CDH4: variants seen among roughly 807,000 people sequenced by gnomAD.
CDH4 encodes cadherin-4.
In CDH4, 33 loss-of-function variants were observed where a neutral mutation model predicts 86.0. The ratio of observed to expected loss-of-function variants is 0.38; its 90% CI spans 0.29 to 0.51. The LOEUF is 0.51. Ranked by LOEUF, CDH4 falls within the 20% of genes least tolerant of loss-of-function variation. The probability of loss-of-function intolerance (pLI) is 0.86; values close to 1 mark genes in which losing one functional copy is unlikely to be tolerated. For missense variants in CDH4, 1,114 were observed against 1,307.4 expected, an observed-to-expected ratio of 0.85 and a Z score of 2.28; for synonymous variants, 555 against 549.4, an observed-to-expected ratio of 1.01 and a Z score of -0.14.
chr20:61,812,191 G>A (rs182502070), intron 4 of CDH4, among the ~76,000 whole-genome samples: 2 of 152,058 alleles, frequency 1.3e-5, no homozygotes, highest in African/African-American at 2.4e-5. Flanking sequence ...GTTATTGGGG[G>A]CGGGGTATCA....
intron 4 of CDH4, among the ~76,000 whole-genome samples, chr20:61,781,108 A>G (rs953376046): frequency 1.3e-5 from 2 of 152,226 alleles, no homozygotes; most frequent in Non-Finnish European, 2.9e-5. Context: ...GGGGAAACAC[A>G]TTGAGATATG....
intron 2 of CDH4, among the ~76,000 whole-genome samples, chr20:61,707,229 C>T (rs1025852152): frequency 1.3e-5 from 2 of 152,266 alleles, no homozygotes; most frequent in African/African-American, 4.8e-5. Flanking sequence ...GCTTTGTCTT[C>T]CCACCTGGTG....
At chr20:61,406,517 C>T (rs1332801732) in intron 2 of CDH4, among the ~76,000 whole-genome samples, 1 of 144,954 alleles carries the variant, frequency 6.9e-6, no homozygotes, top group African/African-American at 2.7e-5. Flanking sequence ...ACCATCTGCT[C>T]TGCCTGGACC....
intron 2 of CDH4, among the ~76,000 whole-genome samples, chr20:61,551,767 T>G (rs2086131765): frequency 6.6e-6 from 1 of 152,230 alleles, no homozygotes. Context: ...AGCATGGTAC[T>G]CACATAAGGA....
chr20:61,395,591 G>A (rs1236804471), intron 2 of CDH4, among the ~76,000 whole-genome samples: 1 of 152,020 alleles, frequency 6.6e-6, no homozygotes, highest in Non-Finnish European at 1.5e-5. Context: ...ACCAGCCTGG[G>A]CAACATGGTG....
intron 2 of CDH4, among the ~76,000 whole-genome samples, chr20:61,321,135 G>A (rs538337719): frequency 3.9e-5 from 6 of 152,330 alleles, no homozygotes; most frequent in South Asian, 4.1e-4. Flanking sequence ...CCTCGAGAGC[G>A]CATGCGAGAG....
chr20:61,434,391 A>G (rs2085268677), intron 2 of CDH4, among the ~76,000 whole-genome samples: 1 of 152,178 alleles, frequency 6.6e-6, no homozygotes, highest in Non-Finnish European at 1.5e-5. Context: ...CGAGTTAAAG[A>G]CGTCTCAAGG....
intron 2 of CDH4, among the ~76,000 whole-genome samples, chr20:61,287,495 C>A (rs1409279125): frequency 6.6e-6 from 1 of 152,056 alleles, no homozygotes; most frequent in African/African-American, 2.4e-5. Flanking sequence ...AAAAAGAGTG[C>A]TTATGGGGTC....
chr20:61,530,984 C>A (rs994265893), intron 2 of CDH4, among the ~76,000 whole-genome samples: 13 of 151,802 alleles, frequency 8.6e-5, no homozygotes, highest in African/African-American at 3.2e-4. Flanking sequence ...TCTCTAGGCC[C>A]CCAGATGGGT....
chr20:61,597,243 C>T (rs66774667), intron 2 of CDH4, among the ~76,000 whole-genome samples: 20,553 of 152,200 alleles, frequency 0.14, 1,588 homozygotes, highest in East Asian at 0.23. Flanking sequence ...GGGTTCCATC[C>T]CCCGATCTAC....
At position 61,329,721 on chromosome 20, in the gene CDH4, T is replaced by G. The variant is rs2084561084; in HGVS notation, c.169+74784T>G. ...GTAATTTTAAGTTCCAGGATACATG[T>G]GTAGGACATGCAAGTTTGTTACATA... On this transcript the variant is annotated intron_variant, in intron 2 of 15. Coordinates refer to ENST00000614565, the MANE Select transcript of CDH4 (RefSeq NM_001794.5). 2.6e-5 allele frequency among the ~76,000 whole-genome samples: 4 copies of G among 152,168 alleles called. No individual in the cohort carries two copies. In the South Asian group the frequency reaches 8.3e-4, roughly 31 times the overall value.
intron 3 of CDH4, among the ~76,000 whole-genome samples, chr20:61,756,583 CT>C (rs2088568057): frequency 6.6e-6 from 1 of 151,530 alleles, no homozygotes; most frequent in African/African-American, 2.4e-5. Context: ...CCCCCATCCC[CT>C]GGTCCCTCCC....
At chr20:61,679,133 G>T (rs1454363074) in intron 2 of CDH4, among the ~76,000 whole-genome samples, 1 of 152,178 alleles carries the variant, frequency 6.6e-6, no homozygotes, top group African/African-American at 2.4e-5. Flanking sequence ...ATGCTACCAG[G>T]TTGGGTGGGT....
chr20:61,716,322 T>C (rs570382855), intron 2 of CDH4, among the ~76,000 whole-genome samples: 1,982 of 146,124 alleles, frequency 0.014, 51 homozygotes, highest in African/African-American at 0.048. Flanking sequence ...ACCCATGAGC[T>C]GCCTCTTGGC....
intron 2 of CDH4, among the ~76,000 whole-genome samples, chr20:61,724,785 T>A (rs2088090492): frequency 6.6e-6 from 1 of 152,186 alleles, no homozygotes; most frequent in African/African-American, 2.4e-5. Context: ...GAGGGTAAAA[T>A]ATTTTCTGTT....
At chr20:61,316,748 C>T (rs549623621) in intron 2 of CDH4, among the ~76,000 whole-genome samples, 2 of 152,198 alleles carry the variant, frequency 1.3e-5, no homozygotes, top group Non-Finnish European at 2.9e-5. Flanking sequence ...TCGTTAGAGC[C>T]GCCGCCTCTG....
chr20:61,707,507 T>A (rs942378985), intron 2 of CDH4, among the ~76,000 whole-genome samples: 1 of 152,180 alleles, frequency 6.6e-6, no homozygotes, highest in Non-Finnish European at 1.5e-5. Context: ...GAGTGCCGTG[T>A]AATCCTTACC....
At chr20:61,264,209 A>G (rs1208712538) in intron 2 of CDH4, among the ~76,000 whole-genome samples, 1 of 152,148 alleles carries the variant, frequency 6.6e-6, no homozygotes, top group African/African-American at 2.4e-5. Context: ...TCCGCACACT[A>G]AGGACTTGCT....
Position 61,724,994 on chromosome 20 carries a change from C to T in CDH4, c.170-18569C>T, listed in dbSNP as rs190706903. Among the ~76,000 whole-genome samples the T allele has an allele frequency of 9.9e-5, 15 of 152,204 alleles. No homozygotes were observed. The East Asian group carries it at 2.7e-3, about 27-fold the overall frequency. On this transcript the variant is annotated intron_variant, in intron 2 of 15. Transcript: ENST00000614565. ...GGGCATGGTGGCAGGTATCCGTGGT[C>T]CCGGCTACATAGGAGGCTGAGGCAG...
Sources: allele counts gnomAD v4.1 joint callset (sites outside exome capture counted in the v4.1 genomes callset), GRCh38; gene constraint gnomAD v4.1.1; transcripts MANE v1.5; gene names NCBI Gene and HGNC (gene_info 2026-07-23, HGNC 2026-07-21).